The following CTNNA2 variants were observed in gnomAD, a reference collection of about 807,000 sequenced individuals.
The protein encoded by CTNNA2 is catenin alpha 2.
A neutral mutation model predicts 101.0 loss-of-function variants in CTNNA2; 42 were observed. The observed-to-expected ratio is 0.42, with a 90% CI of 0.32 to 0.54. The LOEUF is 0.54. Ranked by LOEUF, CTNNA2 falls within the 20% of genes least tolerant of loss-of-function variation. The pLI is 0.14. For missense variants in CTNNA2, 871 were observed against 1,223.1 expected (o/e 0.71, Z 4.29); for synonymous variants, 450 against 456.4 (o/e 0.99, Z 0.18).
In CTNNA2 at chr2:79,525,671, G is replaced by A. The variant is rs185463849; in HGVS notation, c.-6+12464G>A. Among the ~76,000 whole-genome samples, 500 of 151,982 alleles carry A rather than the reference G, an allele frequency of 3.3e-3. 4 individuals carry two copies. Among genetic ancestry groups the A allele is most frequent in the South Asian group, 8.3e-3 (40 of 4,826 alleles). ...AATAGATGATATAATTTTTACTGTT[G>A]AAAACAGGCATTTTGCTTTGTAGAA... is the stretch of plus-strand genomic sequence containing the variant. On this transcript the variant is annotated intron_variant, in intron 1 of 18. Coordinates refer to ENST00000402739, the MANE Select transcript of CTNNA2 (RefSeq NM_001282597.3).
At chr2:80,079,869 AAATAAAATAAAAT>A (rs1242744006) in intron 7 of CTNNA2, among the ~76,000 whole-genome samples, 134 of 144,114 alleles carry the variant, frequency 9.3e-4, no homozygotes, top group Non-Finnish European at 1.7e-3. Flanking sequence ...AAATAAAATA[AAATAAAATAAAAT>A]AATAAAATAA....
intron 4 of CTNNA2, among the ~76,000 whole-genome samples, chr2:79,479,572 C>G (rs1325858867): frequency 6.6e-6 from 1 of 152,176 alleles, no homozygotes; most frequent in Non-Finnish European, 1.5e-5. Context: ...GGGTTATCAT[C>G]AAGCATTTCA....
intron 7 of CTNNA2, among the ~76,000 whole-genome samples, chr2:80,098,214 T>C (rs576984416): frequency 2.0e-5 from 3 of 152,212 alleles, no homozygotes; most frequent in Admixed American, 6.5e-5. Flanking sequence ...TTGTTAGTTT[T>C]CCTTCTAACA....
intron 4 of CTNNA2, among the ~76,000 whole-genome samples, chr2:79,444,993 A>C (rs975779318): frequency 6.6e-6 from 1 of 152,172 alleles, no homozygotes; most frequent in Non-Finnish European, 1.5e-5. Context: ...CTCAAAAGTC[A>C]ATTAGAAGTA....
intron 3 of CTNNA2, among the ~76,000 whole-genome samples, chr2:79,810,679 C>T (rs1275830008): frequency 1.3e-5 from 2 of 151,402 alleles, no homozygotes; most frequent in Non-Finnish European, 2.9e-5. Flanking sequence ...CCTCCCCCCT[C>T]CCCCCACTCC....
intron 9 of CTNNA2, among the ~76,000 whole-genome samples, chr2:80,481,988 A>G (rs950145022): frequency 2.0e-5 from 3 of 152,166 alleles, no homozygotes; most frequent in African/African-American, 7.2e-5. Context: ...GATTACTTCC[A>G]GTAAATAGAT....
chr2:80,195,868 G>T (rs1274529233), intron 7 of CTNNA2, among the ~76,000 whole-genome samples: 1 of 151,998 alleles, frequency 6.6e-6, no homozygotes, highest in East Asian at 1.9e-4. Context: ...TCACTTGAGG[G>T]CAAGAAATTG....
At chr2:80,135,777 G>A (rs1352261899) in intron 7 of CTNNA2, among the ~76,000 whole-genome samples, 1 of 152,100 alleles carries the variant, frequency 6.6e-6, no homozygotes, top group African/African-American at 2.4e-5. Context: ...GAGTTGCTTG[G>A]CTCCCTGAAA....
intron 4 of CTNNA2, among the ~76,000 whole-genome samples, chr2:79,422,862 A>T (rs1182616917): frequency 6.6e-6 from 1 of 152,232 alleles, no homozygotes; most frequent in African/African-American, 2.4e-5. Context: ...TAGGAAGAAG[A>T]CACAAGACCA....
At chr2:80,509,869 G>A (rs917867722) in intron 9 of CTNNA2, among the ~76,000 whole-genome samples, 3 of 152,136 alleles carry the variant, frequency 2.0e-5, no homozygotes, top group Non-Finnish European at 4.4e-5. Flanking sequence ...CTCCACTGTC[G>A]CATTACATTG....
intron 3 of CTNNA2, among the ~76,000 whole-genome samples, chr2:79,313,916 A>G (rs927262090): frequency 6.6e-6 from 1 of 152,060 alleles, no homozygotes; most frequent in Non-Finnish European, 1.5e-5. Context: ...GATGGGCAAG[A>G]CCCGGTGTGA....
At chr2:79,578,013 A>G (rs1419405579) in intron 1 of CTNNA2, among the ~76,000 whole-genome samples, 1 of 151,920 alleles carries the variant, frequency 6.6e-6, no homozygotes, top group African/African-American at 2.4e-5. Flanking sequence ...ACTGCCTTCA[A>G]TAAGGAATAA....
intron 7 of CTNNA2, among the ~76,000 whole-genome samples, chr2:80,009,444 C>T (rs146126581): frequency 2.6e-5 from 4 of 152,178 alleles, no homozygotes; most frequent in Non-Finnish European, 5.9e-5. Flanking sequence ...GATGTTCATT[C>T]TGCTAAAATA....
intron 2 of CTNNA2, among the ~76,000 whole-genome samples, chr2:79,199,279 G>T (rs765287821): frequency 6.6e-5 from 10 of 152,102 alleles, no homozygotes; most frequent in South Asian, 4.1e-4. Flanking sequence ...TCTACTAATA[G>T]AATCTTTGCT....
chr2:80,558,566 TC>T (rs1693263711), intron 12 of CTNNA2, among the ~76,000 whole-genome samples: 1 of 152,114 alleles, frequency 6.6e-6, no homozygotes, highest in Non-Finnish European at 1.5e-5. Context: ...ATATATGTCC[TC>T]AAAATAGAAA....
chr2:80,496,601 C>G (rs549098122), intron 9 of CTNNA2, among the ~76,000 whole-genome samples: 1 of 151,606 alleles, frequency 6.6e-6, no homozygotes, highest in South Asian at 2.1e-4. Context: ...TTTTTCTGGT[C>G]AGGGTAAAGA....
intron 1 of CTNNA2, among the ~76,000 whole-genome samples, chr2:79,582,356 C>A (rs2103911247): frequency 6.6e-6 from 1 of 152,252 alleles, no homozygotes; most frequent in Non-Finnish European, 1.5e-5. Context: ...GTATCTGGAT[C>A]CTTTTTAGTA....
intron 3 of CTNNA2, among the ~76,000 whole-genome samples, chr2:79,362,355 C>T (rs2104448006): frequency 6.6e-6 from 1 of 152,246 alleles, no homozygotes; most frequent in African/African-American, 2.4e-5. Context: ...TCATGTACAA[C>T]ATGTTTTGAA....
chr2:80,428,966 A>G (rs1681240102), intron 9 of CTNNA2, among the ~76,000 whole-genome samples: 2 of 152,140 alleles, frequency 1.3e-5, no homozygotes, highest in South Asian at 4.1e-4. Context: ...TATTTGAACT[A>G]CAACTGAGTT....
Sources: allele counts gnomAD v4.1 joint callset (sites outside exome capture counted in the v4.1 genomes callset), GRCh38; gene constraint gnomAD v4.1.1; transcripts MANE v1.5; gene names NCBI Gene and HGNC (gene_info 2026-07-23, HGNC 2026-07-21).